PALM2AKAP2: variants seen among roughly 807,000 people sequenced by gnomAD.
The protein encoded by PALM2AKAP2 is PALM2 and AKAP2 fusion.
In PALM2AKAP2, 37 loss-of-function variants were observed where a neutral mutation model predicts 71.5. That is an observed-to-expected ratio of 0.52 (90% CI 0.40 to 0.68). PALM2AKAP2 has a LOEUF of 0.68. Ranked by LOEUF, PALM2AKAP2 falls within the 30% of genes least tolerant of loss-of-function variation. PALM2AKAP2 has a pLI of 0.00. For missense variants in PALM2AKAP2, 1,224 were observed against 1,191.8 expected (o/e 1.03, Z -0.40); for synonymous variants, 468 against 478.8 (o/e 0.98, Z 0.29).
intron 1 of PALM2AKAP2, among the ~76,000 whole-genome samples, chr9:110,112,715 A>G (rs912604426): frequency 6.6e-6 from 1 of 152,252 alleles, no homozygotes; most frequent in African/African-American, 2.4e-5. Context: ...GATAGTGGTT[A>G]AAGGCCCTGA....
chr9:109,957,120 A>G (rs1290496425), intron 6 of PALM2AKAP2, among the ~76,000 whole-genome samples: 1 of 152,210 alleles, frequency 6.6e-6, no homozygotes, highest in Admixed American at 6.5e-5. Flanking sequence ...TAAACTCTCC[A>G]GTAAGATCAC....
intron 6 of PALM2AKAP2, among the ~76,000 whole-genome samples, chr9:110,014,312 C>A (rs779135231): frequency 7.0e-4 from 107 of 151,984 alleles, no homozygotes; most frequent in Non-Finnish European, 1.3e-3. Flanking sequence ...AGAAAATAAT[C>A]TTTTTAATAC....
At chr9:110,061,397 G>A (rs536604880) in intron 1 of PALM2AKAP2, among the ~76,000 whole-genome samples, 1 of 151,662 alleles carries the variant, frequency 6.6e-6, no homozygotes, top group Non-Finnish European at 1.5e-5. Flanking sequence ...TGTTCAGAAG[G>A]GTGTAACTTA....
chr9:110,018,197 C>T (rs1416293873), intron 7 of PALM2AKAP2, among the ~76,000 whole-genome samples: 1 of 152,120 alleles, frequency 6.6e-6, no homozygotes, highest in Non-Finnish European at 1.5e-5. Context: ...TAATGAATAC[C>T]TGAAAATTTC....
chr9:109,825,024 A>G (rs1462521527), intron 1 of PALM2AKAP2, among the ~76,000 whole-genome samples: 3 of 152,232 alleles, frequency 2.0e-5, no homozygotes, highest in African/African-American at 7.2e-5. Flanking sequence ...CAGTCATCTG[A>G]TCAACACGTA....
intron 1 of PALM2AKAP2, among the ~76,000 whole-genome samples, chr9:109,791,162 T>C (rs1231798276): frequency 6.6e-6 from 1 of 152,190 alleles, no homozygotes; most frequent in Non-Finnish European, 1.5e-5. Context: ...GATAAGACAC[T>C]AGTAGCCTGT....
intron 1 of PALM2AKAP2, among the ~76,000 whole-genome samples, chr9:109,812,222 C>A (rs1827743512): frequency 1.3e-5 from 2 of 152,138 alleles, no homozygotes; most frequent in Admixed American, 1.3e-4. Flanking sequence ...GTGAATACTC[C>A]TCTGAGAAGG....
At chr9:109,768,914 G>GT (rs1157920234) in intron 1 of PALM2AKAP2, among the ~76,000 whole-genome samples, 2 of 152,114 alleles carry the variant, frequency 1.3e-5, no homozygotes, top group East Asian at 3.8e-4. Context: ...GCACCTAAGA[G>GT]TTTGAGACCA....
At position 109,696,941 on chromosome 9, in the gene PALM2AKAP2, G is replaced by A. The variant is rs529724173; in HGVS notation, c.5+56075G>A. On this transcript the variant is annotated intron_variant, in intron 1 of 6. Coordinates refer to the PALM2AKAP2 transcript ENST00000374531. ...TTTTCCTGCTGCCATGCATGCTCCA[G>A]TGCTCCCCATGGGATCAGGTTTGAC... Among the ~76,000 whole-genome samples the A allele has an allele frequency of 1.3e-4, 20 of 152,240 alleles. No homozygotes were observed. In the South Asian group the frequency reaches 3.1e-3, roughly 24 times the overall value.
intron 1 of PALM2AKAP2, among the ~76,000 whole-genome samples, chr9:109,811,642 G>A (rs1171005681): frequency 1.3e-5 from 2 of 152,052 alleles, no homozygotes; most frequent in Non-Finnish European, 2.9e-5. Flanking sequence ...CATGATCATA[G>A]CTCACTGCAG....
intron 1 of PALM2AKAP2, among the ~76,000 whole-genome samples, chr9:109,747,979 G>A (rs1339340321): frequency 1.3e-5 from 2 of 152,126 alleles, no homozygotes; most frequent in African/African-American, 2.4e-5. Flanking sequence ...CTGGCTATAT[G>A]TCCATAATTT....
chr9:110,000,632 G>C (rs909055452), intron 6 of PALM2AKAP2, among the ~76,000 whole-genome samples: 2 of 152,206 alleles, frequency 1.3e-5, no homozygotes, highest in African/African-American at 4.8e-5. Context: ...CCCACCAACA[G>C]TGTAAAAGTA....
chr9:109,989,932 C>T (rs925757672), intron 6 of PALM2AKAP2, among the ~76,000 whole-genome samples: 5 of 152,226 alleles, frequency 3.3e-5, no homozygotes, highest in African/African-American at 1.2e-4. Flanking sequence ...TTTCTCTAAA[C>T]ACACACCAAA....
upstream of PALM2AKAP2, among the ~76,000 whole-genome samples, chr9:110,047,482 C>A (rs567395977): frequency 5.3e-5 from 8 of 152,302 alleles, no homozygotes; most frequent in East Asian, 1.5e-3. Context: ...CAGGCCATGG[C>A]TATTGTCTTT....
intron 1 of PALM2AKAP2, among the ~76,000 whole-genome samples, chr9:109,721,425 A>AC (rs1828403303): frequency 6.6e-6 from 1 of 152,214 alleles, no homozygotes. Flanking sequence ...CCTTGTCAGA[A>AC]TATTCCAACT....
At chr9:109,943,170 A>G (rs375338453) in intron 6 of PALM2AKAP2, 56 of 1,614,232 alleles carry the variant, frequency 3.5e-5, no homozygotes, top group Middle Eastern at 3.3e-4. Flanking sequence ...AGGAGACGAA[A>G]AAGGTGCTAG....
intron 2 of PALM2AKAP2, among the ~76,000 whole-genome samples, chr9:109,880,068 T>G (rs900873465): frequency 6.6e-6 from 1 of 152,052 alleles, no homozygotes; most frequent in African/African-American, 2.4e-5. Context: ...AAGAAGGGAG[T>G]CATTGAAGAA....
intron 2 of PALM2AKAP2, among the ~76,000 whole-genome samples, chr9:110,142,270 G>A (rs1314566044): frequency 2.0e-5 from 3 of 151,800 alleles, no homozygotes; most frequent in African/African-American, 2.4e-5. Flanking sequence ...TGTATTTTTA[G>A]TAGAGACAGA....
At chr9:109,853,874 T>A (rs1248738594) in intron 1 of PALM2AKAP2, among the ~76,000 whole-genome samples, 1 of 152,184 alleles carries the variant, frequency 6.6e-6, no homozygotes, top group African/African-American at 2.4e-5. Flanking sequence ...GCTTGGCTTC[T>A]CTGAACTTGG....
Sources: allele counts gnomAD v4.1 joint callset (sites outside exome capture counted in the v4.1 genomes callset), GRCh38; gene constraint gnomAD v4.1.1; transcripts MANE v1.5; gene names NCBI Gene and HGNC (gene_info 2026-07-23, HGNC 2026-07-21).